TENM4: variants seen among roughly 807,000 people sequenced by gnomAD.
TENM4 encodes the protein teneurin transmembrane protein 4.
Under a neutral mutation model 243.3 loss-of-function variants are expected in TENM4, and 82 were observed. That is an observed-to-expected ratio of 0.34 (90% confidence interval 0.28 to 0.40). The LOEUF is 0.40. Among genes scored for constraint, TENM4 ranks in the 10% least tolerant of loss-of-function variants. TENM4 has a pLI of 1.00. For synonymous variants in TENM4, 1,412 were observed against 1,456.3 expected (o/e 0.97, Z 0.69); for missense variants, 3,138 against 3,673.3 (o/e 0.85, Z 3.77).
At chr11:79,321,438 A>G (rs1034159572) in intron 1 of TENM4, among the ~76,000 whole-genome samples, 2 of 152,136 alleles carry the variant, frequency 1.3e-5, no homozygotes, top group African/African-American at 2.4e-5. Flanking sequence ...AACACTGTTG[A>G]TGGTTCGATG....
chr11:78,901,250 C>A (rs1315310427), intron 7 of TENM4, among the ~76,000 whole-genome samples: 1 of 152,096 alleles, frequency 6.6e-6, no homozygotes, highest in Non-Finnish European at 1.5e-5. Flanking sequence ...TATATACCTA[C>A]ATGTTAACAA....
At chr11:78,822,680 C>T (rs577611551) in intron 12 of TENM4, among the ~76,000 whole-genome samples, 1 of 152,050 alleles carries the variant, frequency 6.6e-6, no homozygotes, top group Admixed American at 6.5e-5. Context: ...ACACGTTTAC[C>T]TATGTAACAA....
intron 23 of TENM4, among the ~76,000 whole-genome samples, chr11:78,723,345 C>T (rs1312815664): frequency 6.6e-6 from 1 of 152,252 alleles, no homozygotes; most frequent in Non-Finnish European, 1.5e-5. Flanking sequence ...ACTTGTTTTT[C>T]TCTTTCAATT....
chr11:78,866,181 T>C (rs1030234839), intron 9 of TENM4, among the ~76,000 whole-genome samples: 1 of 151,928 alleles, frequency 6.6e-6, no homozygotes, highest in African/African-American at 2.4e-5. Flanking sequence ...CTCAAAATTC[T>C]GTTTACCTTC....
At chr11:79,428,814 A>C (rs761328011) in intron 1 of TENM4, among the ~76,000 whole-genome samples, 1 of 152,182 alleles carries the variant, frequency 6.6e-6, no homozygotes, top group Non-Finnish European at 1.5e-5. Flanking sequence ...CTCGTACATA[A>C]ATTACTCAAT....
At chr11:79,299,234 C>A (rs1856512105) in intron 1 of TENM4, among the ~76,000 whole-genome samples, 1 of 152,212 alleles carries the variant, frequency 6.6e-6, no homozygotes, top group African/African-American at 2.4e-5. Context: ...TGCACTGTGA[C>A]TTCAGAACTG....
rs758383601 is a variant in TENM4 at position 78,722,661 on chromosome 11, T to TAA, written c.3800+6_3800+7insTT. ...AGGAACTATGAAGAAAGCATCACCT[T>TAA]ACATACCTCAGCTCTAGGATGTTGG... On this transcript the variant is annotated splice_region_variant and intron_variant, in intron 24 of 33. Transcript: ENST00000278550. 4 of 1,610,314 alleles carry TAA rather than the reference T, an allele frequency of 2.5e-6. No individual in the cohort carries two copies. In the Admixed American group the frequency reaches 6.7e-5, roughly 27 times the overall value.
chr11:79,241,025 A>C (rs2135280947), intron 2 of TENM4, among the ~76,000 whole-genome samples: 1 of 152,270 alleles, frequency 6.6e-6, no homozygotes, highest in East Asian at 1.9e-4. Context: ...CAGCATACAG[A>C]GCAATAAGAA....
At chr11:78,835,486 C>T (rs1268578216) in intron 12 of TENM4, among the ~76,000 whole-genome samples, 3 of 152,168 alleles carry the variant, frequency 2.0e-5, no homozygotes, top group African/African-American at 7.2e-5. Context: ...AGCCTGGTGA[C>T]AGAGCAAGAC....
intron 1 of TENM4, among the ~76,000 whole-genome samples, chr11:79,418,060 C>T (rs936706470): frequency 3.3e-5 from 5 of 152,142 alleles, no homozygotes; most frequent in South Asian, 2.1e-4. Flanking sequence ...TCTGTCTCCT[C>T]GCACTAGACT....
intron 1 of TENM4, among the ~76,000 whole-genome samples, chr11:79,405,232 A>C (rs1310945789): frequency 6.6e-6 from 1 of 152,150 alleles, no homozygotes; most frequent in Non-Finnish European, 1.5e-5. Context: ...GAGGCTTATG[A>C]GCTAGGCACC....
Position 78,701,619 on chromosome 11 carries a change from G to A in TENM4, c.4994C>T (p.Thr1665Ile), listed in dbSNP as rs772293282. 6.8e-6 allele frequency: 11 copies of A among 1,613,168 alleles called. No homozygotes were observed. Among genetic ancestry groups the A allele is most frequent in the Non-Finnish European group, 8.5e-6 (10 of 1,179,298 alleles). ...CATCATGGCCAACTCGTGTCCTTGTGTGGTCACACTCTTGAGTGCACTGTT... is the reference window on the plus strand; with the variant it reads ...CATCATGGCCAACTCGTGTCCTTGTATGGTCACACTCTTGAGTGCACTGTT... ...GTNSALKSVT[T>I]QGHELAMMTY... is the part of the protein sequence containing the mutation. The change falls in exon 28 of 34, where the codon ACA (threonine) becomes ATA (isoleucine). Residue 1665 changes from threonine to isoleucine, a missense_variant. By Grantham distance (89) the Thr-to-Ile change is moderately conservative. Coordinates refer to ENST00000278550, the MANE Select transcript of TENM4 (RefSeq NM_001098816.3).
At chr11:79,287,713 G>A (rs533601316) in intron 2 of TENM4, among the ~76,000 whole-genome samples, 65 of 152,268 alleles carry the variant, frequency 4.3e-4, no homozygotes, top group African/African-American at 1.2e-3. Context: ...TAGCAAATCT[G>A]TAGCAAAAAA....
In TENM4 at chr11:78,889,882, G is replaced by T. The variant is rs1855623520; in HGVS notation, c.987C>A (p.Asn329Lys). 6.4e-7 allele frequency: 1 copy of T among 1,551,822 alleles called. No individual in the cohort carries two copies. Among genetic ancestry groups the T allele is most frequent in the Admixed American group, 2.0e-5 (1 of 51,010 alleles). The change falls in exon 9 of 34, where the codon AAC becomes AAA. Residue 329 changes from asparagine to lysine, a missense_variant. Physicochemically the swap from Asn to Lys is moderately conservative, Grantham distance 94 (BLOSUM62 0). This residue lies in a region of TENM4 where 671 missense variants were observed against 614.1 expected (regional missense o/e 1.09). Coordinates refer to ENST00000278550, the MANE Select transcript of TENM4 (RefSeq NM_001098816.3). ...TACAGTACTTGGAGGGCTTCTTGAG[G>T]TTAAAGGCCGGCCGGGCGAAGGTGC... is the stretch of plus-strand genomic sequence containing the variant. ...PRSTFARPAFNLKKPSKYCNW... is the reference protein window; with the variant it reads ...PRSTFARPAFKLKKPSKYCNW...
At chr11:79,176,025 G>A (rs1863151945) in intron 3 of TENM4, among the ~76,000 whole-genome samples, 1 of 152,190 alleles carries the variant, frequency 6.6e-6, no homozygotes, top group Non-Finnish European at 1.5e-5. Context: ...CCAGGAGGTC[G>A]AGGCTGCGGT....
chr11:79,402,867 T>A (rs1267080634), intron 1 of TENM4, among the ~76,000 whole-genome samples: 1 of 152,248 alleles, frequency 6.6e-6, no homozygotes, highest in East Asian at 1.9e-4. Context: ...TATCATTCAC[T>A]CACTAGCTCA....
intron 9 of TENM4, among the ~76,000 whole-genome samples, chr11:78,884,661 C>T (rs573368618): frequency 5.3e-5 from 8 of 152,314 alleles, no homozygotes; most frequent in Admixed American, 2.0e-4. Context: ...AAATGATACA[C>T]GTAATGGGCC....
intron 2 of TENM4, among the ~76,000 whole-genome samples, chr11:79,267,891 ATTGT>A (rs370236488): frequency 2.3e-4 from 35 of 152,326 alleles, no homozygotes; most frequent in African/African-American, 8.2e-4. Flanking sequence ...TCACCTATAA[ATTGT>A]TTGAGTTTTT....
At chr11:78,677,479 T>G (rs1476446025) in intron 29 of TENM4, among the ~76,000 whole-genome samples, 7 of 152,098 alleles carry the variant, frequency 4.6e-5, no homozygotes, top group Admixed American at 4.6e-4. Context: ...GGTCTTGAAC[T>G]CCTGGGCTCA....
Sources: gnomAD v4.1 joint callset for allele counts (sites outside exome capture counted in the v4.1 genomes callset) on GRCh38, gnomAD v4.1.1 for gene constraint, gnomAD v4.1.1 regional missense constraint, MANE v1.5 for transcripts, NCBI Gene and HGNC (gene_info 2026-07-23, HGNC 2026-07-21) for gene names.